RTF1: variants seen among roughly 807,000 people sequenced by gnomAD.
RTF1 encodes RNA polymerase-associated protein RTF1 homolog.
In RTF1, 10 loss-of-function variants were observed where a neutral mutation model predicts 95.7. The ratio of observed to expected loss-of-function variants is 0.10; its 90% confidence interval spans 0.06 to 0.18. RTF1 has a LOEUF of 0.18. RTF1 is among the 10% of genes least tolerant of loss of function. RTF1 has a pLI of 1.00. For missense variants in RTF1, 458 were observed against 875.6 expected (o/e 0.52, Z 6.02); for synonymous variants, 305 against 311.8 (o/e 0.98, Z 0.23).
chr15:41,442,490 G>GA (rs2050740851), intron 2 of RTF1, among the ~76,000 whole-genome samples: 3 of 151,872 alleles, frequency 2.0e-5, no homozygotes, highest in Admixed American at 1.3e-4. Context: ...TTTCGTGGGT[G>GA]AAAAAACACA....
intron 1 of RTF1, among the ~76,000 whole-genome samples, chr15:41,433,485 C>T (rs939615823): frequency 6.6e-6 from 1 of 152,008 alleles, no homozygotes; most frequent in Non-Finnish European, 1.5e-5. Flanking sequence ...CAGGCGTGCG[C>T]CACCATGCCC....
intron 2 of RTF1, among the ~76,000 whole-genome samples, chr15:41,450,604 A>G (rs970041148): frequency 2.0e-5 from 3 of 151,262 alleles, no homozygotes; most frequent in African/African-American, 4.9e-5. Flanking sequence ...AAAAAAAATT[A>G]TCTTCCTTGA....
At chr15:41,449,030 G>A (rs888756548) in intron 2 of RTF1, among the ~76,000 whole-genome samples, 22 of 151,404 alleles carry the variant, frequency 1.5e-4, no homozygotes, top group Non-Finnish European at 2.4e-4. Flanking sequence ...GACTATAAGC[G>A]TTCGCCATCA....
At chr15:41,457,032 G>A (rs911108650) in intron 3 of RTF1, among the ~76,000 whole-genome samples, 2 of 151,676 alleles carry the variant, frequency 1.3e-5, no homozygotes, top group Non-Finnish European at 2.9e-5. Context: ...GTTGCAATGA[G>A]CTGAGATCAC....
chr15:41,465,627 C>T (rs949936949), intron 5 of RTF1, among the ~76,000 whole-genome samples: 2 of 151,398 alleles, frequency 1.3e-5, no homozygotes, highest in Non-Finnish European at 2.9e-5. Flanking sequence ...GGCAGAAGAG[C>T]GAGGCTCTGT....
At chr15:41,426,450 C>T (rs762339272) in intron 1 of RTF1, among the ~76,000 whole-genome samples, 4 of 151,942 alleles carry the variant, frequency 2.6e-5, no homozygotes, top group East Asian at 3.9e-4. Context: ...GGACTACAGG[C>T]GTGCGCCACC....
chr15:41,457,870 A>G lies in RTF1; in HGVS notation c.656A>G (p.Lys219Arg). ...CGCATAGAGAAGAGGGAGGTGTTGA[A>G]AAGAAGGTAAGGTTGTCCTCGTCGT... is the stretch of plus-strand genomic sequence containing the variant. ...FNRIEKREVL[K>R]RRFEIKKKLK... The change falls in exon 4 of 18, where the codon AAA becomes AGA. Residue 219 changes from lysine to arginine, a missense_variant. Transcript: ENST00000389629. 2 of 1,613,338 alleles carry G rather than the reference A, an allele frequency of 1.2e-6. No homozygotes were observed. The highest frequency in any genetic ancestry group is 1.7e-6 in the Non-Finnish European group (2 of 1,179,808).
intron 1 of RTF1, among the ~76,000 whole-genome samples, chr15:41,423,939 G>T (rs2050615942): frequency 6.6e-6 from 1 of 152,096 alleles, no homozygotes; most frequent in African/African-American, 2.4e-5. Context: ...TTTTAGTAGA[G>T]ATGGGGTTTC....
At chr15:41,441,107 G>A (rs749937600) in intron 2 of RTF1, among the ~76,000 whole-genome samples, 2 of 151,666 alleles carry the variant, frequency 1.3e-5, no homozygotes, top group Non-Finnish European at 2.9e-5. Context: ...AAATAGCTGG[G>A]ACTACAGGCG....
chr15:41,422,098 G>A (rs1221037785), intron 1 of RTF1, among the ~76,000 whole-genome samples: 2 of 151,994 alleles, frequency 1.3e-5, no homozygotes, highest in Admixed American at 6.6e-5. Context: ...ACAATAGCAC[G>A]ATCTCGACTC....
At chr15:41,478,410 TAA>T (rs397945744) in intron 14 of RTF1, 136 bp from the exon 15 acceptor site, 2,652 of 524,220 alleles carry the variant, frequency 5.1e-3, no homozygotes, top group East Asian at 6.0e-3. Context: ...CAAAAAAAAT[TAA>T]AAAAAAAAAA....
chr15:41,425,530 G>T lies in RTF1; in HGVS notation c.198+8217G>T, dbSNP rs139182913. ...CCCAGACTATTGTGGAGAGTAATAT[G>T]GAGGGGGACACTAATGAAGTGGCAG... On this transcript the variant is annotated intron_variant, in intron 1 of 17. Coordinates refer to ENST00000389629, the MANE Select transcript of RTF1 (RefSeq NM_015138.5). Among the ~76,000 whole-genome samples, 374 of 152,258 alleles carry T rather than the reference G, an allele frequency of 2.5e-3. 1 individual carries two copies. Among genetic ancestry groups the T allele is most frequent in the African/African-American group, 8.5e-3 (355 of 41,552 alleles).
At chr15:41,464,125 C>T (rs1220954045) in intron 4 of RTF1, among the ~76,000 whole-genome samples, 1 of 151,564 alleles carries the variant, frequency 6.6e-6, no homozygotes, top group Non-Finnish European at 1.5e-5. Flanking sequence ...GCTGGGATTA[C>T]AGGTGTGAGC....
chr15:41,472,087 C>T (rs937258588), intron 8 of RTF1, among the ~76,000 whole-genome samples: 8 of 151,666 alleles, frequency 5.3e-5, no homozygotes, highest in South Asian at 4.2e-4. Context: ...TTAGTAGAGA[C>T]GGGGTTTCAC....
Position 41,464,757 on chromosome 15 carries a change from T to C in RTF1, c.663-14T>C. 1 of 1,540,466 alleles carries C rather than the reference T, an allele frequency of 6.5e-7. No individual in the cohort carries two copies. Among genetic ancestry groups the C allele is most frequent in the Non-Finnish European group, 8.8e-7 (1 of 1,141,426 alleles). On this transcript the variant is annotated splice_polypyrimidine_tract_variant and intron_variant, in intron 4 of 17. Coordinates refer to ENST00000389629, the MANE Select transcript of RTF1 (RefSeq NM_015138.5). ...ATTTCATTGCTACTTAAAAACCAAA[T>C]ATCTTTTAACCAGATTTGAAATCAA...
chr15:41,480,466 T>TG, intron 17 of RTF1, 115 bp from the exon 18 acceptor site: 1 of 952,406 alleles, frequency 1.0e-6, no homozygotes, highest in Non-Finnish European at 1.7e-6. Context: ...AGACAGGCTG[T>TG]GGGTATGGTG....
intron 8 of RTF1, 154 bp from the exon 9 acceptor site, chr15:41,474,466 C>T (rs2050932039): frequency 1.5e-6 from 1 of 650,734 alleles, no homozygotes; most frequent in Non-Finnish European, 2.8e-6. Flanking sequence ...GGATTCTAAA[C>T]CTGAGAAACC....
intron 1 of RTF1, among the ~76,000 whole-genome samples, chr15:41,429,448 T>C (rs866914795): frequency 4.5e-4 from 68 of 151,346 alleles, no homozygotes; most frequent in East Asian, 1.9e-3. Flanking sequence ...TTTTTTTTTT[T>C]TCTCTCTCTC....
chr15:41,441,728 A>G (rs747980528), intron 2 of RTF1, among the ~76,000 whole-genome samples: 2 of 152,212 alleles, frequency 1.3e-5, no homozygotes, highest in Non-Finnish European at 2.9e-5. Flanking sequence ...CACCCTGCCC[A>G]GCAAGAAATG....
Sources: allele counts gnomAD v4.1 joint callset (sites outside exome capture counted in the v4.1 genomes callset), GRCh38; gene constraint gnomAD v4.1.1; transcripts MANE v1.5; gene names NCBI Gene and HGNC (gene_info 2026-07-23, HGNC 2026-07-21).